The following PLD5 variants were observed in gnomAD, a reference collection of about 807,000 sequenced individuals.
PLD5 encodes phospholipase D family member 5, also known as inactive phospholipase D5.
Under a neutral mutation model 61.1 loss-of-function variants are expected in PLD5, and 36 were observed. That is an observed-to-expected ratio of 0.59 (90% confidence interval 0.45 to 0.78). The LOEUF is 0.78. Among genes scored for constraint, PLD5 ranks in the 30% least tolerant of loss-of-function variants. The pLI, the probability that PLD5 is intolerant of heterozygous loss-of-function variation, is 0.00. For synonymous variants in PLD5, 243 were observed against 242.8 expected (o/e 1.00, Z -0.01); for missense variants, 515 against 644.4 (o/e 0.80, Z 2.17).
chr1:242,167,732 T>C (rs1666434994), intron 5 of PLD5, among the ~76,000 whole-genome samples: 1 of 152,204 alleles, frequency 6.6e-6, no homozygotes, highest in African/African-American at 2.4e-5. Flanking sequence ...CAGAAACTTA[T>C]CCAAAATCAC....
intron 4 of PLD5, among the ~76,000 whole-genome samples, chr1:242,249,264 T>A (rs889792164): frequency 1.3e-5 from 2 of 152,220 alleles, no homozygotes; most frequent in Non-Finnish European, 2.9e-5. Context: ...CAGACAGGAC[T>A]GGTCCTCTTT....
At chr1:242,124,769 T>C in intron 5 of PLD5, 104 bp from the exon 6 acceptor site, 1 of 915,642 alleles carries the variant, frequency 1.1e-6, no homozygotes, top group Non-Finnish European at 1.6e-6. Flanking sequence ...ACATCTTTTT[T>C]CTTGCATTTG....
At chr1:242,392,442 G>A (rs893142196) in intron 1 of PLD5, among the ~76,000 whole-genome samples, 3 of 152,194 alleles carry the variant, frequency 2.0e-5, no homozygotes, top group East Asian at 1.9e-4. Flanking sequence ...AAAGGCGAAT[G>A]TAAGCTTTCA....
chr1:242,323,289 AT>A (rs1658538367), intron 2 of PLD5, among the ~76,000 whole-genome samples: 1 of 152,192 alleles, frequency 6.6e-6, no homozygotes, highest in Admixed American at 6.5e-5. Flanking sequence ...TAAAAGTCAC[AT>A]GTGTGGCTCG....
At chr1:242,419,772 T>C (rs1665038855) in intron 1 of PLD5, among the ~76,000 whole-genome samples, 1 of 151,998 alleles carries the variant, frequency 6.6e-6, no homozygotes, top group Admixed American at 6.6e-5. Flanking sequence ...AAGAATGAAG[T>C]AGTTCACCAG....
rs375326043 is a variant in PLD5 at position 242,353,273 on chromosome 1, G to A, written c.190-5031C>T. Among the ~76,000 whole-genome samples the A allele has an allele frequency of 7.8e-3, 1,190 of 152,208 alleles. 7 individuals carry two copies. The highest frequency in any genetic ancestry group is 0.012 in the Non-Finnish European group (805 of 67,996). ...TTCCCAATACCATTTATTGAAGACA[G>A]TGCTCTTTTTCCATTGTATATTCTT... On this transcript the variant is annotated intron_variant, in intron 1 of 9. Coordinates refer to ENST00000536534, the MANE Select transcript of PLD5 (RefSeq NM_001372062.1).
intron 5 of PLD5, among the ~76,000 whole-genome samples, chr1:242,135,831 C>A (rs1663676383): frequency 6.6e-6 from 1 of 152,172 alleles, no homozygotes; most frequent in South Asian, 2.1e-4. Flanking sequence ...AGTACTTCTA[C>A]CCTTTTGGAA....
chr1:242,180,210 A>T (rs1281207096), intron 5 of PLD5, among the ~76,000 whole-genome samples: 1 of 152,076 alleles, frequency 6.6e-6, no homozygotes, highest in African/African-American at 2.4e-5. Context: ...ATATTCCTAT[A>T]TTTCAGCCTA....
At chr1:242,354,793 T>C (rs1273632069) in intron 1 of PLD5, among the ~76,000 whole-genome samples, 1 of 151,278 alleles carries the variant, frequency 6.6e-6, no homozygotes, top group Non-Finnish European at 1.5e-5. Context: ...ATGAAGTACA[T>C]TTCTCCTATA....
chr1:242,330,648 T>G (rs1342652130), intron 2 of PLD5, among the ~76,000 whole-genome samples: 2 of 152,146 alleles, frequency 1.3e-5, no homozygotes, highest in Non-Finnish European at 2.9e-5. Context: ...TAGACCTTTA[T>G]TAAATATTGA....
upstream of PLD5, among the ~76,000 whole-genome samples, chr1:242,528,701 G>A (rs1329492812): frequency 6.6e-6 from 1 of 152,172 alleles, no homozygotes; most frequent in Non-Finnish European, 1.5e-5. Flanking sequence ...TCTTTCGAAA[G>A]GAGGAAACCA....
At chr1:242,379,606 T>A (rs998583113) in intron 1 of PLD5, among the ~76,000 whole-genome samples, 1 of 151,992 alleles carries the variant, frequency 6.6e-6, no homozygotes. Context: ...TCATTGCTTT[T>A]TGTTTACTAC....
intron 1 of PLD5, among the ~76,000 whole-genome samples, chr1:242,403,815 T>G (rs1351336719): frequency 6.6e-6 from 1 of 152,178 alleles, no homozygotes; most frequent in African/African-American, 2.4e-5. Context: ...CTCAGTAACA[T>G]TCAATGGAAG....
intron 2 of PLD5, among the ~76,000 whole-genome samples, chr1:242,289,225 G>T (rs1448837389): frequency 6.6e-6 from 1 of 152,136 alleles, no homozygotes; most frequent in Non-Finnish European, 1.5e-5. Context: ...TATATCTGTT[G>T]TATTGTCATA....
chr1:242,438,073 T>C (rs1666086469), intron 1 of PLD5, among the ~76,000 whole-genome samples: 1 of 152,122 alleles, frequency 6.6e-6, no homozygotes, highest in South Asian at 2.1e-4. Flanking sequence ...TGCAAAATAG[T>C]GAAGAGGGTT....
intron 1 of PLD5, among the ~76,000 whole-genome samples, chr1:242,416,973 G>A (rs1286877094): frequency 2.0e-5 from 3 of 152,086 alleles, no homozygotes. Context: ...AAATATTTCT[G>A]CACCCTTCTT....
chr1:242,273,140 T>C (rs1354075908), intron 3 of PLD5, among the ~76,000 whole-genome samples: 3 of 151,702 alleles, frequency 2.0e-5, no homozygotes, highest in Non-Finnish European at 2.9e-5. Context: ...TGTGTTCTCA[T>C]TGTTTGAATC....
intron 1 of PLD5, among the ~76,000 whole-genome samples, chr1:242,512,628 T>C (rs1481101097): frequency 1.3e-5 from 2 of 152,100 alleles, no homozygotes; most frequent in Admixed American, 6.5e-5. Context: ...AATGGAGACA[T>C]ATGGAAGTTG....
In PLD5 at chr1:242,085,721, G is replaced by C. The variant is rs895392145; in HGVS notation, c.*4133C>G. On this transcript the variant is annotated 3_prime_UTR_variant, in exon 10 of 10. Coordinates refer to ENST00000536534, the MANE Select transcript of PLD5 (RefSeq NM_001372062.1). The stretch of plus-strand genomic sequence containing the variant: ...TTGTCCACAATATATGGGGCTGTTC[G>C]TAAGGACTGAGTTTGAATAAACAAT... 6.6e-6 allele frequency: 1 copy of C among 152,176 alleles called. No individual in the cohort carries two copies. Among genetic ancestry groups the C allele is most frequent in the Non-Finnish European group, 1.5e-5 (1 of 68,026 alleles). 9.4% of individuals were successfully genotyped at this position (152,176 alleles called of 1,614,324 possible). A position where few individuals can be genotyped will look rare whatever the true frequency, so the allele number is the denominator to read the frequency against.
Sources: allele counts gnomAD v4.1 joint callset (sites outside exome capture counted in the v4.1 genomes callset), GRCh38; gene constraint gnomAD v4.1.1; transcripts MANE v1.5; gene names NCBI Gene and HGNC (gene_info 2026-07-23, HGNC 2026-07-21).